The following MLLT3 variants were observed in gnomAD, a reference collection of about 807,000 sequenced individuals.
The protein encoded by MLLT3 is MLLT3 super elongation complex subunit, also known as protein AF-9.
In MLLT3, 4 loss-of-function variants were observed where a neutral mutation model predicts 53.2. The observed-to-expected ratio is 0.08, with a 90% CI of 0.04 to 0.17. The LOEUF is 0.17. MLLT3 is among the 10% of genes least tolerant of loss of function. The pLI, the probability that MLLT3 is intolerant of heterozygous loss-of-function variation, is 1.00. For synonymous variants in MLLT3, 283 were observed against 230.6 expected (o/e 1.23, Z -2.06); for missense variants, 569 against 684.0 (o/e 0.83, Z 1.87).
In MLLT3 at chr9:20,573,338, C is replaced by T. The variant is rs148995773; in HGVS notation, c.193+47316G>A. The stretch of plus-strand genomic sequence containing the variant: ...GGAACTATAGGCACATGCCACTGTG[C>T]CTGGCTAATTTTCTGTATTTTTCAT... On this transcript the variant is annotated intron_variant, in intron 2 of 10. Coordinates refer to ENST00000380338, the MANE Select transcript of MLLT3 (RefSeq NM_004529.4). Among the ~76,000 whole-genome samples the T allele has an allele frequency of 1.8e-3, 278 of 152,090 alleles. 1 individual carries two copies. The highest frequency in any genetic ancestry group is 6.6e-3 in the African/African-American group (273 of 41,504).
chr9:20,352,700 C>A (rs1587142737), intron 10 of MLLT3, among the ~76,000 whole-genome samples: 2 of 140,882 alleles, frequency 1.4e-5, no homozygotes, highest in African/African-American at 2.7e-5. Context: ...GACCACCAGC[C>A]ATTAAATGTT....
At chr9:20,463,951 C>T (rs1824173197) in intron 2 of MLLT3, among the ~76,000 whole-genome samples, 1 of 152,000 alleles carries the variant, frequency 6.6e-6, no homozygotes, top group South Asian at 2.1e-4. Context: ...TGTACTACTA[C>T]ATCATAAAAG....
intron 5 of MLLT3, among the ~76,000 whole-genome samples, chr9:20,366,281 T>A (rs934787872): frequency 6.6e-6 from 1 of 152,182 alleles, no homozygotes; most frequent in Admixed American, 6.5e-5. Context: ...TCTTCACTTA[T>A]GAGAACATGC....
At chr9:20,405,028 T>C (rs1224794688) in intron 5 of MLLT3, among the ~76,000 whole-genome samples, 1 of 152,174 alleles carries the variant, frequency 6.6e-6, no homozygotes, top group Non-Finnish European at 1.5e-5. Context: ...GTGCAACCTT[T>C]AGATAATACA....
intron 2 of MLLT3, among the ~76,000 whole-genome samples, chr9:20,614,951 T>C (rs927677727): frequency 6.6e-6 from 1 of 152,258 alleles, no homozygotes; most frequent in South Asian, 2.1e-4. Context: ...GTGATATCCC[T>C]GCCTGGCCTA....
chr9:20,350,549 C>G (rs570327660), intron 10 of MLLT3, among the ~76,000 whole-genome samples: 2 of 142,796 alleles, frequency 1.4e-5, no homozygotes, highest in South Asian at 2.2e-4. Flanking sequence ...GAGCCGAGAT[C>G]CCGCCACTGC....
intron 2 of MLLT3, among the ~76,000 whole-genome samples, chr9:20,564,299 T>C (rs574535647): frequency 2.0e-5 from 3 of 151,938 alleles, no homozygotes; most frequent in East Asian, 2.0e-4. Context: ...AAAAGTTTCA[T>C]GCACTTGAAA....
chr9:20,450,869 G>A (rs952304856), intron 3 of MLLT3, among the ~76,000 whole-genome samples: 1 of 152,188 alleles, frequency 6.6e-6, no homozygotes, highest in African/African-American at 2.4e-5. Flanking sequence ...TTTCTGCCAT[G>A]TAACTGGGAG....
chr9:20,502,534 A>G (rs1825273244), intron 2 of MLLT3, among the ~76,000 whole-genome samples: 1 of 152,214 alleles, frequency 6.6e-6, no homozygotes. Context: ...AGGAGAAAAA[A>G]TTACATCTGT....
intron 4 of MLLT3, among the ~76,000 whole-genome samples, chr9:20,438,716 T>G (rs1460337484): frequency 6.6e-6 from 1 of 152,166 alleles, no homozygotes; most frequent in Non-Finnish European, 1.5e-5. Context: ...ATTATAAGCA[T>G]GACATTTATT....
intron 2 of MLLT3, among the ~76,000 whole-genome samples, chr9:20,550,516 G>A (rs1025936616): frequency 3.3e-5 from 5 of 151,408 alleles, no homozygotes; most frequent in African/African-American, 1.2e-4. Context: ...CCATAACCTC[G>A]GCCTCCCAGA....
chr9:20,490,926 T>C (rs1357059504), intron 2 of MLLT3, among the ~76,000 whole-genome samples: 1 of 152,168 alleles, frequency 6.6e-6, no homozygotes, highest in Non-Finnish European at 1.5e-5. Flanking sequence ...TCAAGAAAAC[T>C]AATTGGCCCA....
rs897270294 is a variant in MLLT3, at chr9:20,585,668, G to C, written c.193+34986C>G. On this transcript the variant is annotated intron_variant, in intron 2 of 10. Transcript: ENST00000380338. ...CAATTCTCTAATGACGTGATATTGAGCATCTTTTCATCACTTATTTGCCAT... is the reference window on the plus strand; with the variant it reads ...CAATTCTCTAATGACGTGATATTGACCATCTTTTCATCACTTATTTGCCAT... 9.9e-5 allele frequency among the ~76,000 whole-genome samples: 15 copies of C among 152,264 alleles called. No individual in the cohort carries two copies. The South Asian group carries it at 2.9e-3, about 29-fold the overall frequency.
At chr9:20,492,109 C>G (rs998346411) in intron 2 of MLLT3, among the ~76,000 whole-genome samples, 2 of 152,008 alleles carry the variant, frequency 1.3e-5, no homozygotes, top group Non-Finnish European at 2.9e-5. Flanking sequence ...TTAAATCTAA[C>G]CATAGCTAAT....
intron 5 of MLLT3, among the ~76,000 whole-genome samples, chr9:20,412,640 A>G (rs1351084193): frequency 6.6e-6 from 1 of 152,178 alleles, no homozygotes; most frequent in Admixed American, 6.5e-5. Context: ...GACAGAAAGA[A>G]AAGTGTTCTA....
At position 20,407,440 on chromosome 9, in the gene MLLT3, A is replaced by G. The variant is rs557357206; in HGVS notation, c.1125+6281T>C. On this transcript the variant is annotated intron_variant, in intron 5 of 10. Coordinates refer to ENST00000380338, the MANE Select transcript of MLLT3 (RefSeq NM_004529.4). ...CCCTCAATCCTGGCTCTGCATGCCA[A>G]ATCCACCTATGAGGACAACCTGTCA... Among the ~76,000 whole-genome samples, 86 of 152,312 alleles carry G rather than the reference A, an allele frequency of 5.6e-4. No homozygotes were observed. The Middle Eastern group carries it at 0.01, about 18-fold the overall frequency.
intron 2 of MLLT3, among the ~76,000 whole-genome samples, chr9:20,553,238 T>C (rs535324771): frequency 1.3e-5 from 2 of 152,338 alleles, no homozygotes; most frequent in South Asian, 2.1e-4. Flanking sequence ...TAAATGTAAC[T>C]GTAGAAAACA....
chr9:20,569,055 A>T (rs773159711), intron 2 of MLLT3, among the ~76,000 whole-genome samples: 1 of 152,184 alleles, frequency 6.6e-6, no homozygotes, highest in Non-Finnish European at 1.5e-5. Flanking sequence ...TCAGGTTCCA[A>T]CGTAACCCTA....
chr9:20,447,736 C>A (rs1405771019), intron 4 of MLLT3, among the ~76,000 whole-genome samples: 1 of 152,042 alleles, frequency 6.6e-6, no homozygotes, highest in Non-Finnish European at 1.5e-5. Flanking sequence ...ATTTGGATTT[C>A]TTTTTATATA....
Sources: allele counts gnomAD v4.1 joint callset (sites outside exome capture counted in the v4.1 genomes callset), GRCh38; gene constraint gnomAD v4.1.1; transcripts MANE v1.5; gene names NCBI Gene and HGNC (gene_info 2026-07-23, HGNC 2026-07-21).